The following KCNH1 variants were observed in gnomAD, a reference collection of about 807,000 sequenced individuals.
KCNH1 encodes the protein voltage-gated delayed rectifier potassium channel KCNH1.
Under a neutral mutation model 69.2 loss-of-function variants are expected in KCNH1, and 27 were observed. The ratio of observed to expected loss-of-function variants is 0.39; its 90% confidence interval spans 0.29 to 0.54. The LOEUF (loss-of-function observed/expected upper bound fraction) is 0.54. Among genes scored for constraint, KCNH1 ranks in the 20% least tolerant of loss-of-function variants. The pLI is 0.68. For synonymous variants in KCNH1, 456 were observed against 487.7 expected (o/e 0.93, Z 0.86); for missense variants, 798 against 1,261.6 (o/e 0.63, Z 5.57).
At chr1:210,687,979 G>C (rs556614114) in intron 10 of KCNH1, among the ~76,000 whole-genome samples, 1 of 152,162 alleles carries the variant, frequency 6.6e-6, no homozygotes, top group Non-Finnish European at 1.5e-5. Context: ...GGGAACAAGT[G>C]TGTCCAAAGT....
At chr1:211,120,718 G>A (rs1219087948) in intron 1 of KCNH1, among the ~76,000 whole-genome samples, 3 of 152,032 alleles carry the variant, frequency 2.0e-5, no homozygotes, top group Non-Finnish European at 4.4e-5. Flanking sequence ...TTTGTCTACT[G>A]TGTTATTTCA....
intron 10 of KCNH1, among the ~76,000 whole-genome samples, chr1:210,769,987 T>G (rs915305342): frequency 6.6e-6 from 1 of 152,144 alleles, no homozygotes; most frequent in Non-Finnish European, 1.5e-5. Context: ...TTTTACCGTA[T>G]GTAAACTTCT....
chr1:210,986,842 T>C (rs538755391), intron 6 of KCNH1, among the ~76,000 whole-genome samples: 6 of 152,346 alleles, frequency 3.9e-5, no homozygotes, highest in Middle Eastern at 3.4e-3. Context: ...TCTTGCTAGA[T>C]TGGGGAAGTT....
At position 210,682,911 on chromosome 1, in the gene KCNH1, A is replaced by G; in HGVS notation, c.*370T>C. 1 of 250,256 alleles carries G rather than the reference A, an allele frequency of 4.0e-6. No individual in the cohort carries two copies. The highest frequency in any genetic ancestry group is 7.7e-6 in the Non-Finnish European group (1 of 129,868). The allele number at this position is 250,256 out of a possible 1,614,324, so 15.5% of individuals were successfully genotyped here. ...GAGCCCAGCATAGTATATACATGAG[A>G]GGTTCTCGGCACTTTCCCACCAGTC... On this transcript the variant is annotated 3_prime_UTR_variant, in exon 11 of 11. Transcript: ENST00000271751.
intron 3 of KCNH1, among the ~76,000 whole-genome samples, chr1:211,094,358 G>A (rs1007070297): frequency 6.6e-5 from 10 of 152,196 alleles, no homozygotes; most frequent in Non-Finnish European, 1.0e-4. Context: ...GTTCCTAACA[G>A]GCCATGGACT....
chr1:210,683,306 T>C lies in KCNH1; in HGVS notation c.2945A>G (p.Glu982Gly). 1 of 1,613,886 alleles carries C rather than the reference T, an allele frequency of 6.2e-7. No individual in the cohort carries two copies. Among genetic ancestry groups the C allele is most frequent in the Non-Finnish European group, 8.5e-7 (1 of 1,179,886 alleles). ...TCAGCTGGCTCCAAAAATGTCTCTCTCTGATTCTGGGGACTGTGGCCTCGA... is the reference window on the plus strand; with the variant it reads ...TCAGCTGGCTCCAAAAATGTCTCTCCCTGATTCTGGGGACTGTGGCCTCGA... ...EISRPQSPESERDIFGAS is the reference protein window; with the variant it reads ...EISRPQSPESGRDIFGAS The change falls in exon 11 of 11, where the codon GAG (glutamate) becomes GGG (glycine). Residue 982 changes from glutamate (E) to glycine (G), a missense_variant. By Grantham distance (98) the Glu-to-Gly change is moderately conservative. This residue lies in a region of KCNH1 where 331 missense variants were observed against 363.2 expected (regional missense o/e 0.91). Coordinates refer to ENST00000271751, the MANE Select transcript of KCNH1 (RefSeq NM_172362.3). The surrounding 1 kb of genome is among the most constrained non-coding windows in gnomAD (Gnocchi z 5.7).
chr1:210,859,839 T>C, intron 7 of KCNH1: 1 of 1,113,088 alleles, frequency 9.0e-7, no homozygotes, highest in South Asian at 1.2e-5. Flanking sequence ...AATAAAATGA[T>C]TTGTAACTGG....
chr1:210,715,509 A>G (rs1682205742), intron 10 of KCNH1, among the ~76,000 whole-genome samples: 1 of 137,854 alleles, frequency 7.3e-6, no homozygotes, highest in Admixed American at 7.4e-5. Context: ...TCTATTTTAA[A>G]AATTAAACAA....
intron 5 of KCNH1, among the ~76,000 whole-genome samples, chr1:211,050,447 A>G (rs1690181011): frequency 6.6e-6 from 1 of 152,000 alleles, no homozygotes; most frequent in South Asian, 2.1e-4. Context: ...GACTTTTTCC[A>G]TGATGCACTT....
rs148739732 is a variant in KCNH1, at chr1:211,109,485, T to C, written c.80-2108A>G. Among the ~76,000 whole-genome samples, 3 of 152,374 alleles carry C rather than the reference T, an allele frequency of 2.0e-5. No individual in the cohort carries two copies. The East Asian group carries it at 5.8e-4, about 29-fold the overall frequency. ...TTACTAAATTACTCCCAAGTGTATA[T>C]GAAGCCTAGTTGGTTTGACCATCTC... On this transcript the variant is annotated intron_variant, in intron 1 of 10. Transcript: ENST00000271751.
At chr1:210,758,709 C>A (rs11119591) in intron 10 of KCNH1, among the ~76,000 whole-genome samples, 21,120 of 152,226 alleles carry the variant, frequency 0.14, 1,529 homozygotes, top group Non-Finnish European at 0.16. Flanking sequence ...TCACCTTCCA[C>A]CAACCTCCTC....
intron 7 of KCNH1, among the ~76,000 whole-genome samples, chr1:210,904,209 G>T (rs1241765637): frequency 6.6e-6 from 1 of 152,162 alleles, no homozygotes; most frequent in Non-Finnish European, 1.5e-5. Context: ...TTTAAATGAT[G>T]ACATAACTGC....
At chr1:210,987,288 A>C (rs1343779100) in intron 6 of KCNH1, among the ~76,000 whole-genome samples, 1 of 152,142 alleles carries the variant, frequency 6.6e-6, no homozygotes, top group East Asian at 1.9e-4. Context: ...CAACTCGTCA[A>C]AGCCATTCTC....
At chr1:210,973,099 C>T (rs1164437992) in intron 6 of KCNH1, among the ~76,000 whole-genome samples, 3 of 152,084 alleles carry the variant, frequency 2.0e-5, no homozygotes, top group Non-Finnish European at 4.4e-5. Flanking sequence ...GCATATGATT[C>T]CCATAGCTAC....
At chr1:210,920,135 C>T in intron 6 of KCNH1, 66 bp from the exon 7 acceptor site, 1 of 1,385,210 alleles carries the variant, frequency 7.2e-7, no homozygotes, top group Non-Finnish European at 9.9e-7. Context: ...CCCCTCCGCC[C>T]CACTTGGGCC....
Position 211,133,622 on chromosome 1 carries a change from G to C in KCNH1, c.79+245C>G, listed in dbSNP as rs1213009638. Among the ~76,000 whole-genome samples, 1 of 152,136 alleles carries C rather than the reference G, an allele frequency of 6.6e-6. No individual in the cohort carries two copies. Among genetic ancestry groups the C allele is most frequent in the African/African-American group, 2.4e-5 (1 of 41,444 alleles). ...GCATCCTTGGAGATAAGACCGAGAG[G>C]GCGCTAGAAAGGCCCAAAAGGCGTC... On this transcript the variant is annotated intron_variant, in intron 1 of 10. Coordinates refer to ENST00000271751, the MANE Select transcript of KCNH1 (RefSeq NM_172362.3). The surrounding 1 kb of genome is among the most constrained non-coding windows in gnomAD (Gnocchi z 5.4).
At chr1:210,758,852 C>T (rs185386132) in intron 10 of KCNH1, among the ~76,000 whole-genome samples, 3 of 152,152 alleles carry the variant, frequency 2.0e-5, no homozygotes, top group Non-Finnish European at 4.4e-5. Context: ...GGAGGTGTTG[C>T]TTTTCATGCT....
At chr1:211,098,136 G>T (rs929352585) in intron 3 of KCNH1, among the ~76,000 whole-genome samples, 3 of 151,860 alleles carry the variant, frequency 2.0e-5, no homozygotes, top group Non-Finnish European at 4.4e-5. Flanking sequence ...TGGCCAACAT[G>T]GTGAAACCCC....
chr1:210,723,867 G>A (rs1200155313), intron 10 of KCNH1, among the ~76,000 whole-genome samples: 2 of 152,092 alleles, frequency 1.3e-5, no homozygotes, highest in Non-Finnish European at 2.9e-5. Flanking sequence ...CTGTCCTCAC[G>A]TGGACAGAAG....
Sources: gnomAD v4.1 joint callset for allele counts (sites outside exome capture counted in the v4.1 genomes callset) on GRCh38, gnomAD v4.1.1 for gene constraint, gnomAD v4.1.1 regional missense constraint, Gnocchi (gnomAD v3.1) non-coding constraint, MANE v1.5 for transcripts, NCBI Gene and HGNC (gene_info 2026-07-23, HGNC 2026-07-21) for gene names.